Variants in UBE2QL1 observed in about 807,000 individuals in gnomAD.
UBE2QL1 encodes ubiquitin-conjugating enzyme E2Q-like protein 1.
Under a neutral mutation model 12.6 loss-of-function variants are expected in UBE2QL1, and 5 were observed. The ratio of observed to expected loss-of-function variants is 0.40; its 90% CI spans 0.21 to 0.83. The LOEUF (loss-of-function observed/expected upper bound fraction) is 0.83, where lower values mean the gene tolerates loss of function less well. UBE2QL1 is among the 40% of genes least tolerant of loss of function. The pLI is 0.37. For missense variants in UBE2QL1, 99 were observed against 222.6 expected (o/e 0.44, Z 3.53); for synonymous variants, 96 against 94.5 (o/e 1.02, Z -0.10).
At chr5:6,460,285 G>A (rs986613863) in intron 1 of UBE2QL1, among the ~76,000 whole-genome samples, 9 of 152,314 alleles carry the variant, frequency 5.9e-5, no homozygotes, top group South Asian at 4.1e-4. Flanking sequence ...ATGATGACAC[G>A]TGTTCCTTGC....
At chr5:6,456,399 A>G (rs942968680) in intron 1 of UBE2QL1, among the ~76,000 whole-genome samples, 7 of 152,164 alleles carry the variant, frequency 4.6e-5, no homozygotes, top group Admixed American at 2.6e-4. Context: ...CGACATTAAC[A>G]TGGGGCATTA....
intron 1 of UBE2QL1, among the ~76,000 whole-genome samples, chr5:6,455,630 G>C (rs1739504923): frequency 1.3e-5 from 2 of 152,246 alleles, no homozygotes; most frequent in South Asian, 4.1e-4. Flanking sequence ...TGTGGTCTAG[G>C]ATCAGGCCCT....
chr5:6,493,003 T>A lies in UBE2QL1; in HGVS notation c.*1654T>A, dbSNP rs1306782874. The A allele has an allele frequency of 1.3e-5, 2 of 152,280 alleles. No homozygotes were observed. The highest frequency in any genetic ancestry group is 2.9e-5 in the Non-Finnish European group (2 of 68,050). 9.4% of individuals were successfully genotyped at this position (152,280 alleles called of 1,614,324 possible). The stretch of plus-strand genomic sequence containing the variant: ...TGGCGCCTTTCAGCAGGGCTGCCCA[T>A]TCACCAAACTTATTGTTACTTTTGT... On this transcript the variant is annotated 3_prime_UTR_variant, in exon 2 of 2. Coordinates refer to ENST00000399816, the MANE Select transcript of UBE2QL1 (RefSeq NM_001145161.3).
rs577654206 is a variant in UBE2QL1, at chr5:6,466,455, C to T, written c.354+17208C>T. On this transcript the variant is annotated intron_variant, in intron 1 of 1. Coordinates refer to ENST00000399816, the MANE Select transcript of UBE2QL1 (RefSeq NM_001145161.3). ...TCCTGGGGGGCTGTGTCCTGTCTCC[C>T]AATCTGGGGCTGGACGCTCCCCCAG... Among the ~76,000 whole-genome samples, 275 of 152,346 alleles carry T rather than the reference C, an allele frequency of 1.8e-3. 3 individuals carry two copies. Among genetic ancestry groups the T allele is most frequent in the African/African-American group, 6.3e-3 (262 of 41,588 alleles).
chr5:6,471,283 T>C (rs1739908248), intron 1 of UBE2QL1, among the ~76,000 whole-genome samples: 1 of 152,218 alleles, frequency 6.6e-6, no homozygotes, highest in Non-Finnish European at 1.5e-5. Flanking sequence ...CACCAACATG[T>C]CTTCTCTCCT....
intron 1 of UBE2QL1, among the ~76,000 whole-genome samples, chr5:6,477,750 C>T (rs1007766110): frequency 1.3e-5 from 2 of 152,110 alleles, no homozygotes; most frequent in African/African-American, 2.4e-5. Flanking sequence ...CCATGTGGCA[C>T]GTGTAAGCCA....
chr5:6,450,447 C>G (rs969844609), intron 1 of UBE2QL1, among the ~76,000 whole-genome samples: 2 of 152,162 alleles, frequency 1.3e-5, no homozygotes, highest in African/African-American at 4.8e-5. Context: ...CTGGTGTTTT[C>G]CTGAATCAAT....
At chr5:6,465,317 C>A (rs561661637) in intron 1 of UBE2QL1, among the ~76,000 whole-genome samples, 1 of 152,224 alleles carries the variant, frequency 6.6e-6, no homozygotes, top group East Asian at 1.9e-4. Context: ...CCTTTAAAAG[C>A]AACAACAAAT....
intron 1 of UBE2QL1, among the ~76,000 whole-genome samples, chr5:6,454,896 G>A (rs1294489142): frequency 6.6e-6 from 1 of 152,128 alleles, no homozygotes; most frequent in Non-Finnish European, 1.5e-5. Context: ...ACACTGGACT[G>A]TTCAGAGGAA....
rs1444409143 is a variant in UBE2QL1 at position 6,449,062 on chromosome 5, A to G, written c.169A>G (p.Thr57Ala). 24 of 1,548,346 alleles carry G rather than the reference A, an allele frequency of 1.6e-5. No homozygotes were observed. Among genetic ancestry groups the G allele is most frequent in the African/African-American group, 2.7e-5 (2 of 72,790 alleles). Residue 57 changes from threonine to alanine, a missense_variant, in exon 1 of 2, where the codon ACC becomes GCC. Thr to Ala is a moderately conservative substitution (Grantham distance 58). Transcript: ENST00000399816. ...TNTEFILLNL[T>A]FPDNFPFSPP... ...CACCGAGTTCATCCTGCTCAACCTC[A>G]CCTTCCCCGACAACTTCCCCTTCTC...
chr5:6,462,163 C>T (rs1232199001), intron 1 of UBE2QL1, among the ~76,000 whole-genome samples: 3 of 152,110 alleles, frequency 2.0e-5, no homozygotes, highest in Non-Finnish European at 2.9e-5. Context: ...GGTCAGGACT[C>T]GACCAGAAAA....
chr5:6,468,474 G>A (rs963262256), intron 1 of UBE2QL1, among the ~76,000 whole-genome samples: 1 of 152,206 alleles, frequency 6.6e-6, no homozygotes, highest in South Asian at 2.1e-4. Context: ...ACAGACACGG[G>A]CTGACTGGTG....
chr5:6,448,965 G>C lies in UBE2QL1; in HGVS notation c.72G>C (p.Leu24=), dbSNP rs995516485. Residue 24 remains leucine, a synonymous_variant, in exon 1 of 2, where the codon CTG becomes CTC. Coordinates refer to ENST00000399816, the MANE Select transcript of UBE2QL1 (RefSeq NM_001145161.3). ...CCGTGGAGCTGGTGGACGAGAGCCT[G>C]TTCGACTGGAACGTGAAGCTGCACC... ...FISVELVDES[L]FDWNVKLHQV... is the part of the protein sequence containing the mutation. 1.9e-6 allele frequency: 3 copies of C among 1,549,306 alleles called. No homozygotes were observed. The highest frequency in any genetic ancestry group is 1.2e-5 in the South Asian group (1 of 83,458).
chr5:6,450,134 T>G (rs578219718), intron 1 of UBE2QL1, among the ~76,000 whole-genome samples: 1 of 93,876 alleles, frequency 1.1e-5, no homozygotes, highest in East Asian at 2.4e-4. Flanking sequence ...AGCACCCCCT[T>G]CCTTCCCCGA....
Position 6,494,962 on chromosome 5 carries a change from T to C in UBE2QL1, c.*3613T>C, listed in dbSNP as rs1734640981. On this transcript the variant is annotated 3_prime_UTR_variant, in exon 2 of 2. Transcript: ENST00000399816. ...AGCACCAAGCAAGGCAAGTGCCAAA[T>C]TGCACTGCAGAAATTAAAGACATGT... is the stretch of plus-strand genomic sequence containing the variant. 6.6e-6 allele frequency: 1 copy of C among 152,194 alleles called. No individual in the cohort carries two copies. Among genetic ancestry groups the C allele is most frequent in the African/African-American group, 2.4e-5 (1 of 41,434 alleles). 9.4% of individuals were successfully genotyped at this position (152,194 alleles called of 1,614,324 possible).
In UBE2QL1 at chr5:6,449,098, A is replaced by C; in HGVS notation, c.205A>C (p.Met69Leu). The C allele has an allele frequency of 1.9e-6, 3 of 1,547,798 alleles. No individual in the cohort carries two copies. The highest frequency in any genetic ancestry group is 2.6e-6 in the Non-Finnish European group (3 of 1,145,340). ...CAACTTCCCCTTCTCGCCGCCCTTCATGCGGGTGCTCAGCCCGCGCCTGGA... is the reference window on the plus strand; with the variant it reads ...CAACTTCCCCTTCTCGCCGCCCTTCCTGCGGGTGCTCAGCCCGCGCCTGGA... ...PDNFPFSPPF[M>L]RVLSPRLENG... The change falls in exon 1 of 2, where the codon ATG becomes CTG. Residue 69 changes from methionine (M) to leucine (L), a missense_variant. Coordinates refer to ENST00000399816, the MANE Select transcript of UBE2QL1 (RefSeq NM_001145161.3).
chr5:6,488,538 C>T (rs1734507318), intron 1 of UBE2QL1, among the ~76,000 whole-genome samples: 1 of 141,894 alleles, frequency 7.0e-6, no homozygotes, highest in Admixed American at 6.7e-5. Context: ...CTGGCTAACG[C>T]CTATAATCCT....
intron 1 of UBE2QL1, among the ~76,000 whole-genome samples, chr5:6,460,537 A>G (rs1739630769): frequency 1.3e-5 from 2 of 152,132 alleles, no homozygotes. Flanking sequence ...GCCCTCATAA[A>G]TCTACTGCTG....
chr5:6,494,742 G>A lies in UBE2QL1; in HGVS notation c.*3393G>A, dbSNP rs1480245986. 6.6e-6 allele frequency: 1 copy of A among 152,150 alleles called. No individual in the cohort carries two copies. The highest frequency in any genetic ancestry group is 1.5e-5 in the Non-Finnish European group (1 of 68,022). The allele number at this position is 152,150 out of a possible 1,614,324, so 9.4% of individuals were successfully genotyped here. A position where few individuals can be genotyped will look rare whatever the true frequency, so the allele number is the denominator to read the frequency against. On this transcript the variant is annotated 3_prime_UTR_variant, in exon 2 of 2. Coordinates refer to ENST00000399816, the MANE Select transcript of UBE2QL1 (RefSeq NM_001145161.3). ...TACAGTGGTTAAAATACACATACCTGGTAATCATATACTTGCTTTCTGTCC... is the reference window on the plus strand; with the variant it reads ...TACAGTGGTTAAAATACACATACCTAGTAATCATATACTTGCTTTCTGTCC...
Sources: allele counts gnomAD v4.1 joint callset (sites outside exome capture counted in the v4.1 genomes callset), GRCh38; gene constraint gnomAD v4.1.1; transcripts MANE v1.5; gene names NCBI Gene and HGNC (gene_info 2026-07-23, HGNC 2026-07-21).